Variants in NEMP2 observed in about 807,000 individuals in gnomAD.
NEMP2 encodes UPF0571 transmembrane protein.
A neutral mutation model predicts 54.2 loss-of-function variants in NEMP2; 53 were observed. The observed-to-expected ratio is 0.98, with a 90% CI of 0.78 to 1.23. The LOEUF (loss-of-function observed/expected upper bound fraction) is 1.23, where lower values mean the gene tolerates loss of function less well. Ranked by LOEUF, NEMP2 falls within the 50% of genes most tolerant of loss-of-function variation. NEMP2 has a pLI of 0.00. For synonymous variants in NEMP2, 197 were observed against 190.3 expected (o/e 1.04, Z -0.29); for missense variants, 455 against 511.3 (o/e 0.89, Z 1.06).
chr2:190,504,733 G>A lies in NEMP2; in HGVS notation c.*4456C>T, dbSNP rs1690147082. On this transcript the variant is annotated 3_prime_UTR_variant, in exon 9 of 9. Transcript: ENST00000409150. The surrounding 1 kb of genome is among the most constrained non-coding windows in gnomAD (Gnocchi z 5.6). ...GTGTAGGATGCTATTCTTTTAAATT[G>A]TAAACTTACATTTGAAAAAAGGTCG... The A allele has an allele frequency of 6.6e-6, 1 of 151,962 alleles. No individual in the cohort carries two copies. Among genetic ancestry groups the A allele is most frequent in the Non-Finnish European group, 1.5e-5 (1 of 67,984 alleles). The allele number at this position is 151,962 out of a possible 1,614,324, so 9.4% of individuals were successfully genotyped here.
the NEMP2 span, among the ~76,000 whole-genome samples, chr2:190,492,964 A>T: frequency 6.6e-6 from 1 of 152,130 alleles, no homozygotes; most frequent in Admixed American, 6.5e-5. The surrounding 1 kb of genome is among the most constrained non-coding windows in gnomAD (Gnocchi z 5.2). Context: ...AACAAAATAC[A>T]ATTAAAAAAA....
chr2:190,562,981 T>TTTATAG, the NEMP2 span, among the ~76,000 whole-genome samples: 23,743 of 152,204 alleles, frequency 0.16, 1,964 homozygotes, highest in East Asian at 0.29. The surrounding 1 kb of genome is among the most constrained non-coding windows in gnomAD (Gnocchi z 5.0). Context: ...CAGGTTCTCC[T>TTTATAG]CCAGTGATCA....
At chr2:190,574,721 T>A in the NEMP2 span, among the ~76,000 whole-genome samples, 51 of 151,764 alleles carry the variant, frequency 3.4e-4, no homozygotes, top group Non-Finnish European at 4.4e-5. Context: ...TTTCTCTTTC[T>A]TTCTTTCCTT....
the NEMP2 span, among the ~76,000 whole-genome samples, chr2:190,422,366 C>T: frequency 2.6e-5 from 4 of 152,156 alleles, no homozygotes; most frequent in Non-Finnish European, 5.9e-5. Context: ...TGCTTCTCTC[C>T]CATGTTAGAT....
the NEMP2 span, chr2:190,435,888 G>A: frequency 9.0e-7 from 1 of 1,114,046 alleles, no homozygotes; most frequent in Non-Finnish European, 1.2e-6. Context: ...ATTTTAGTTT[G>A]TAACTGCTTA....
At chr2:190,584,138 C>T in the NEMP2 span, among the ~76,000 whole-genome samples, 9 of 152,158 alleles carry the variant, frequency 5.9e-5, no homozygotes, top group Middle Eastern at 3.4e-3. The surrounding 1 kb of genome is among the most constrained non-coding windows in gnomAD (Gnocchi z 4.2). Flanking sequence ...ATGAAGTAAG[C>T]GAAGGTCTGT....
the NEMP2 span, among the ~76,000 whole-genome samples, chr2:190,466,309 G>A: frequency 1.3e-5 from 2 of 152,168 alleles, no homozygotes; most frequent in African/African-American, 4.8e-5. Flanking sequence ...GCATACTATG[G>A]CAGTTTAAAT....
the NEMP2 span, chr2:190,629,851 C>G: frequency 2.0e-5 from 3 of 152,304 alleles, no homozygotes; most frequent in Non-Finnish European, 4.4e-5. Context: ...GAGCTTTTGA[C>G]GGAAATTTTA....
chr2:190,440,310 AAC>A, the NEMP2 span, among the ~76,000 whole-genome samples: 1 of 152,196 alleles, frequency 6.6e-6, no homozygotes. Context: ...TGTCAGTCTA[AAC>A]ACACACACAT....
the NEMP2 span, among the ~76,000 whole-genome samples, chr2:190,449,423 G>A: frequency 2.6e-5 from 4 of 151,910 alleles, no homozygotes; most frequent in Non-Finnish European, 5.9e-5. Context: ...GCAGTGAGCC[G>A]AGATGGCACC....
At chr2:190,518,142 A>C (rs1690628120) in intron 4 of NEMP2, among the ~76,000 whole-genome samples, 1 of 152,240 alleles carries the variant, frequency 6.6e-6, no homozygotes, top group African/African-American at 2.4e-5. Context: ...TTGGGTACTA[A>C]CCTAGAATCT....
chr2:190,636,540 A>T, the NEMP2 span, among the ~76,000 whole-genome samples: 2 of 152,364 alleles, frequency 1.3e-5, no homozygotes, highest in African/African-American at 4.8e-5. Flanking sequence ...ATCAATCATC[A>T]CTAAGCGTAT....
chr2:190,527,928 T>C lies in NEMP2; in HGVS notation c.98-2550A>G, dbSNP rs760891268. On this transcript the variant is annotated intron_variant, in intron 1 of 8. Transcript: ENST00000409150. This position sits in a 1 kb window ranked among gnomAD's most constrained non-coding sequence, Gnocchi z 4.0. ...CAAAACCACCCCAACCCCACTCCTATCCTGTGGAAAAACTGTCTTCCATGA... is the reference window on the plus strand; with the variant it reads ...CAAAACCACCCCAACCCCACTCCTACCCTGTGGAAAAACTGTCTTCCATGA... Among the ~76,000 whole-genome samples, 41 of 152,158 alleles carry C rather than the reference T, an allele frequency of 2.7e-4. No homozygotes were observed. The highest frequency in any genetic ancestry group is 5.7e-4 in the Non-Finnish European group (39 of 68,032).
At chr2:190,558,731 A>G in the NEMP2 span, among the ~76,000 whole-genome samples, 2 of 152,210 alleles carry the variant, frequency 1.3e-5, no homozygotes, top group Non-Finnish European at 2.9e-5. This position sits in a 1 kb window ranked among gnomAD's most constrained non-coding sequence, Gnocchi z 4.4. Context: ...GGGCTTTATT[A>G]TGTGGAAAAA....
At chr2:190,585,109 GGT>G in the NEMP2 span, among the ~76,000 whole-genome samples, 9 of 151,986 alleles carry the variant, frequency 5.9e-5, no homozygotes, top group Admixed American at 5.2e-4. The surrounding 1 kb of genome is among the most constrained non-coding windows in gnomAD (Gnocchi z 5.3). Flanking sequence ...AGACAAACAT[GGT>G]ATTTTCCCTG....
At chr2:190,552,211 C>T in the NEMP2 span, among the ~76,000 whole-genome samples, 1 of 152,118 alleles carries the variant, frequency 6.6e-6, no homozygotes, top group Non-Finnish European at 1.5e-5. Context: ...TCATTGCTTC[C>T]CCCCTTGCTT....
At chr2:190,502,859 T>C (rs1185394029), downstream of NEMP2, among the ~76,000 whole-genome samples, 1 of 152,206 alleles carries the variant, frequency 6.6e-6, no homozygotes, top group Admixed American at 6.5e-5. The surrounding 1 kb of genome is among the most constrained non-coding windows in gnomAD (Gnocchi z 4.4). Context: ...CCTATCACTA[T>C]CCCCATTTTA....
At chr2:190,604,506 C>G in the NEMP2 span, among the ~76,000 whole-genome samples, 1 of 152,164 alleles carries the variant, frequency 6.6e-6, no homozygotes, top group Non-Finnish European at 1.5e-5. This position sits in a 1 kb window ranked among gnomAD's most constrained non-coding sequence, Gnocchi z 4.5. Flanking sequence ...CTACTCAGCC[C>G]AGTGCCGTTG....
the NEMP2 span, among the ~76,000 whole-genome samples, chr2:190,470,791 G>A: frequency 1.3e-5 from 2 of 152,022 alleles, no homozygotes; most frequent in African/African-American, 4.8e-5. Flanking sequence ...CATCTAAACA[G>A]AATGTACAAA....
Sources: gnomAD v4.1 joint callset for allele counts (sites outside exome capture counted in the v4.1 genomes callset) on GRCh38, gnomAD v4.1.1 for gene constraint, Gnocchi (gnomAD v3.1) non-coding constraint, MANE v1.5 for transcripts, NCBI Gene and HGNC (gene_info 2026-07-23, HGNC 2026-07-21) for gene names.